HECTD2: variants seen among roughly 807,000 people sequenced by gnomAD.
HECTD2 encodes HECT domain E3 ubiquitin protein ligase 2.
HECTD2 carries 35 observed loss-of-function variants against 103.2 expected under a neutral mutation model. The observed-to-expected ratio is 0.34, with a 90% CI of 0.26 to 0.45. HECTD2 has a LOEUF of 0.45. Among genes scored for constraint, HECTD2 ranks in the 20% least tolerant of loss-of-function variants. The pLI is 1.00. For synonymous variants in HECTD2, 281 were observed against 329.9 expected, an observed-to-expected ratio of 0.85 and a Z score of 1.61; for missense variants, 596 against 937.4, an observed-to-expected ratio of 0.64 and a Z score of 4.76.
intron 10 of HECTD2, 121 bp downstream of exon 10, chr10:91,485,424 C>A: frequency 1.5e-6 from 1 of 660,874 alleles, no homozygotes; most frequent in Non-Finnish European, 2.5e-6. Flanking sequence ...AAATATAGTT[C>A]AGATAGCCTT....
At chr10:91,491,434 A>T in intron 12 of HECTD2, 127 bp downstream of exon 12, 1 of 510,616 alleles carries the variant, frequency 2.0e-6, no homozygotes, top group Non-Finnish European at 3.5e-6. Flanking sequence ...TCTTTTGAAG[A>T]TCTTGTTGCA....
chr10:91,413,864 G>A (rs1028303484), intron 1 of HECTD2, among the ~76,000 whole-genome samples: 1 of 152,146 alleles, frequency 6.6e-6, no homozygotes, highest in Non-Finnish European at 1.5e-5. Context: ...TTTGGGTCTT[G>A]GCCTTGCTGC....
intron 20 of HECTD2, among the ~76,000 whole-genome samples, chr10:91,502,417 T>C (rs893332283): frequency 2.6e-5 from 4 of 152,232 alleles, no homozygotes; most frequent in Admixed American, 2.6e-4. Flanking sequence ...TTCTCAAATA[T>C]CTTGTAGAAG....
chr10:91,415,267 C>A (rs986957368), intron 1 of HECTD2, among the ~76,000 whole-genome samples: 9 of 149,950 alleles, frequency 6.0e-5, no homozygotes, highest in Non-Finnish European at 1.0e-4. Context: ...GTATTTGGAA[C>A]AATCTTGTAT....
intron 2 of HECTD2, among the ~76,000 whole-genome samples, chr10:91,429,241 G>T (rs912259368): frequency 6.6e-6 from 1 of 152,126 alleles, no homozygotes; most frequent in Non-Finnish European, 1.5e-5. Context: ...CTTGATCATG[G>T]TGGAGAAGCT....
At chr10:91,413,098 A>G (rs531205635) in intron 1 of HECTD2, among the ~76,000 whole-genome samples, 52 of 152,292 alleles carry the variant, frequency 3.4e-4, no homozygotes, top group African/African-American at 1.2e-3. Flanking sequence ...TCGTGACCCT[A>G]CAATAGTGGC....
At chr10:91,446,055 C>A (rs1306537255) in intron 2 of HECTD2, among the ~76,000 whole-genome samples, 1 of 152,032 alleles carries the variant, frequency 6.6e-6, no homozygotes, top group East Asian at 1.9e-4. Flanking sequence ...CAAGTGGGTC[C>A]CTGACACCCA....
At chr10:91,428,679 G>T (rs1300583036) in intron 2 of HECTD2, among the ~76,000 whole-genome samples, 2 of 151,626 alleles carry the variant, frequency 1.3e-5, no homozygotes, top group Middle Eastern at 3.2e-3. Flanking sequence ...CTCTCTGTTT[G>T]TCTGTTATTG....
At chr10:91,463,672 T>C (rs565285075) in intron 5 of HECTD2, 1 of 152,320 alleles carries the variant, frequency 6.6e-6, no homozygotes, top group African/African-American at 2.4e-5. Flanking sequence ...CAGACCTCTT[T>C]GTCTTATTCC....
intron 2 of HECTD2, among the ~76,000 whole-genome samples, chr10:91,441,971 G>C (rs1212546600): frequency 1.8e-5 from 1 of 55,282 alleles, no homozygotes; most frequent in Admixed American, 2.7e-4. Context: ...TAGCCTATGT[G>C]TGTCTTTGCA....
chr10:91,473,723 G>A (rs968682229), intron 5 of HECTD2, among the ~76,000 whole-genome samples: 10 of 152,010 alleles, frequency 6.6e-5, no homozygotes, highest in Admixed American at 2.6e-4. Flanking sequence ...ATATTTTCTC[G>A]TGATTTTCTT....
intron 5 of HECTD2, among the ~76,000 whole-genome samples, chr10:91,468,397 A>G (rs1297790843): frequency 6.6e-6 from 1 of 151,810 alleles, no homozygotes; most frequent in East Asian, 1.9e-4. Flanking sequence ...GATAAAAGCC[A>G]AAAAAAATAA....
At chr10:91,490,630 G>A (rs1392768594) in intron 11 of HECTD2, among the ~76,000 whole-genome samples, 8 of 151,870 alleles carry the variant, frequency 5.3e-5, no homozygotes, top group African/African-American at 1.5e-4. Flanking sequence ...GGTGGCTCAC[G>A]CCTGTAATCC....
chr10:91,500,363 T>A, intron 18 of HECTD2, 139 bp from the exon 19 acceptor site: 1 of 516,352 alleles, frequency 1.9e-6, no homozygotes, highest in Non-Finnish European at 3.4e-6. Flanking sequence ...ATACCCAGAG[T>A]CGATTTTTCT....
intron 20 of HECTD2, among the ~76,000 whole-genome samples, chr10:91,506,180 CAAAATT>C (rs1167938247): frequency 1.3e-5 from 2 of 149,470 alleles, no homozygotes; most frequent in East Asian, 2.0e-4. Context: ...AGGAAAGATC[CAAAATT>C]GACACCCTAA....
intron 8 of HECTD2, chr10:91,484,160 CA>C (rs1443929915): frequency 1.8e-6 from 1 of 553,444 alleles, no homozygotes; most frequent in Non-Finnish European, 3.2e-6. Context: ...CACATGTCCC[CA>C]AATGACCATG....
At chr10:91,453,436 CAAAAAG>C (rs1446138991) in intron 2 of HECTD2, among the ~76,000 whole-genome samples, 2 of 151,992 alleles carry the variant, frequency 1.3e-5, no homozygotes, top group Non-Finnish European at 2.9e-5. Context: ...GTCACACACA[CAAAAAG>C]AAAATTATAA....
chr10:91,484,416 T>G, intron 8 of HECTD2, 91 bp from the exon 9 acceptor site: 1 of 1,480,920 alleles, frequency 6.8e-7, no homozygotes, highest in South Asian at 1.2e-5. Context: ...TCTAAAATTT[T>G]GTGGCTTAGG....
Position 91,487,441 on chromosome 10 carries a change from A to G in HECTD2, c.1095-241A>G, listed in dbSNP as rs1846303666. ...TAGACAATGTAAGTGGTTAGCACAC[A>G]TTCAGAACCTTTGATGTAGCTTCTG... On this transcript the variant is annotated intron_variant, in intron 10 of 20. Transcript: ENST00000298068. The surrounding 1 kb of genome is among the most constrained non-coding windows in gnomAD (Gnocchi z 4.1). 8.1e-6 allele frequency: 4 copies of G among 494,766 alleles called. No individual in the cohort carries two copies. In the East Asian group the frequency reaches 1.6e-4, roughly 20 times the overall value. 30.6% of individuals were successfully genotyped at this position (494,766 alleles called of 1,614,324 possible).
Sources: gnomAD v4.1 joint callset for allele counts (sites outside exome capture counted in the v4.1 genomes callset) on GRCh38, gnomAD v4.1.1 for gene constraint, Gnocchi (gnomAD v3.1) non-coding constraint, MANE v1.5 for transcripts, NCBI Gene and HGNC (gene_info 2026-07-23, HGNC 2026-07-21) for gene names.